TERT: variants seen among roughly 807,000 people sequenced by gnomAD.
The protein encoded by TERT is telomerase catalytic subunit.
In TERT, 42 loss-of-function variants were observed where a neutral mutation model predicts 104.0. The observed-to-expected ratio is 0.40, with a 90% CI of 0.32 to 0.52. The LOEUF is 0.52. Among genes scored for constraint, TERT ranks in the 20% least tolerant of loss-of-function variants. The probability of loss-of-function intolerance (pLI) is 0.43; values close to 1 mark genes in which losing one functional copy is unlikely to be tolerated. For synonymous variants in TERT, 781 were observed against 725.6 expected, an observed-to-expected ratio of 1.08 and a Z score of -1.23; for missense variants, 1,101 against 1,610.3, an observed-to-expected ratio of 0.68 and a Z score of 5.41.
intron 2 of TERT, among the ~76,000 whole-genome samples, chr5:1,290,151 A>T (rs62332590): frequency 5.7e-5 from 1 of 17,664 alleles, no homozygotes; most frequent in Non-Finnish European, 9.5e-5. Flanking sequence ...CACTCACCCT[A>T]CACGTGACAG....
At chr5:1,280,417 C>T (rs1047930712) in intron 3 of TERT, 79 bp from the exon 4 acceptor site, 6 of 1,491,522 alleles carry the variant, frequency 4.0e-6, no homozygotes, top group Non-Finnish European at 5.5e-6. Flanking sequence ...CCACAAGCCC[C>T]CACCGACTCA....
rs1400139919 is a variant in TERT at position 1,293,604 on chromosome 5, G to A, written c.1282C>T (p.Arg428Trp). ...GCCACAGAGCCCTGGGGCTTCTCCC[G>A]GGCACAGACACCGGCTGCTGGGGTG... ...AVTPAAGVCA[R>W]EKPQGSVAAP... Residue 428 changes from arginine (R) to tryptophan (W), a missense_variant, in exon 2 of 16, where the codon CGG becomes TGG. This residue lies in a region of TERT where 504 missense variants were observed against 544.6 expected (regional missense o/e 0.93). Coordinates refer to ENST00000310581, the MANE Select transcript of TERT (RefSeq NM_198253.3). 1.3e-6 allele frequency: 2 copies of A among 1,548,566 alleles called. No individual in the cohort carries two copies. Among genetic ancestry groups the A allele is most frequent in the East Asian group, 2.4e-5 (1 of 41,066 alleles).
chr5:1,270,523 T>C lies in TERT; in HGVS notation c.2468+596A>G, dbSNP rs1483775752. ...GGCACTGTGGCTCTACCACCGTGAG[T>C]GTGGCTCACCCAGTGGCTGTGTGAC... On this transcript the variant is annotated intron_variant, in intron 8 of 15. Coordinates refer to ENST00000310581, the MANE Select transcript of TERT (RefSeq NM_198253.3). This position sits in a 1 kb window ranked among gnomAD's most constrained non-coding sequence, Gnocchi z 8.3. Among the ~76,000 whole-genome samples, 1 of 151,200 alleles carries C rather than the reference T, an allele frequency of 6.6e-6. No homozygotes were observed. The highest frequency in any genetic ancestry group is 1.5e-5 in the Non-Finnish European group (1 of 67,786).
chr5:1,256,318 A>G lies in TERT; in HGVS notation c.3033-907T>C, dbSNP rs1014511070. Among the ~76,000 whole-genome samples the G allele has an allele frequency of 6.6e-6, 1 of 152,066 alleles. No individual in the cohort carries two copies. The highest frequency in any genetic ancestry group is 6.5e-5 in the Admixed American group (1 of 15,268). ...TGTGAGCCACCGCGCCAGCCCTGTC[A>G]GCCTCCATCTTTGGCCTCTCAGCTT... On this transcript the variant is annotated intron_variant, in intron 13 of 15. Coordinates refer to ENST00000310581, the MANE Select transcript of TERT (RefSeq NM_198253.3). The surrounding 1 kb of genome is among the most constrained non-coding windows in gnomAD (Gnocchi z 7.0).
At chr5:1,277,605 TG>T (rs35577391) in intron 6 of TERT, among the ~76,000 whole-genome samples, 46,452 of 122,558 alleles carry the variant, frequency 0.38, 8,763 homozygotes, top group East Asian at 0.54. Context: ...AGCGGGGATG[TG>T]GGGGGGGGTC....
chr5:1,271,942 C>T (rs1048586853), intron 7 of TERT, among the ~76,000 whole-genome samples: 4 of 152,250 alleles, frequency 2.6e-5, no homozygotes, highest in African/African-American at 7.2e-5. Flanking sequence ...AAAGGCACTG[C>T]GGAACTGGAG....
At position 1,293,562 on chromosome 5, in the gene TERT, C is replaced by T. The variant is rs780427764; in HGVS notation, c.1324G>A (p.Asp442Asn). 2 of 1,537,620 alleles carry T rather than the reference C, an allele frequency of 1.3e-6. No individual in the cohort carries two copies. Among genetic ancestry groups the T allele is most frequent in the African/African-American group, 1.4e-5 (1 of 72,896 alleles). Residue 442 changes from aspartate to asparagine, a missense_variant, in exon 2 of 16, where the codon GAC becomes AAC. By Grantham distance (23) the Asp-to-Asn change is conservative. Transcript: ENST00000310581. ...QGSVAAPEEE[D>N]TDPRRLVQLL... is the part of the protein sequence containing the mutation. ...TGCACCAGGCGACGGGGGTCTGTGT[C>T]CTCCTCCTCGGGGGCCGCCACAGAG... is the stretch of plus-strand genomic sequence containing the variant.
chr5:1,260,315 T>G (rs575065969), intron 12 of TERT, among the ~76,000 whole-genome samples, 159 bp downstream of exon 12: 28 of 152,348 alleles, frequency 1.8e-4, no homozygotes, highest in African/African-American at 6.5e-4. Context: ...TGTACACACA[T>G]GCACACATGT....
intron 9 of TERT, among the ~76,000 whole-genome samples, chr5:1,267,627 A>G (rs1219697657): frequency 6.6e-6 from 1 of 152,272 alleles, no homozygotes; most frequent in Non-Finnish European, 1.5e-5. Context: ...AATGTGGCAC[A>G]TATACACCAC....
rs372185671 is a variant in TERT, at chr5:1,294,031, C to T, written c.855G>A (p.Leu285=). Residue 285 remains leucine (L), a synonymous_variant, in exon 2 of 16, where the codon TTG becomes TTA. Coordinates refer to ENST00000310581, the MANE Select transcript of TERT (RefSeq NM_198253.3). ...PARPAEEATS[L]EGALSGTRHS... ...GGCGCGTGCCAGAGAGCGCACCCTC[C>T]AAAGAGGTGGCTTCTTCGGCGGGTC... 1.0e-5 allele frequency: 16 copies of T among 1,599,106 alleles called. No individual in the cohort carries two copies. In the African/African-American group the frequency reaches 2.0e-4, roughly 20 times the overall value.
intron 11 of TERT, 184 bp downstream of exon 11, chr5:1,264,220 C>A (rs1055517554): frequency 1.5e-6 from 1 of 645,258 alleles, no homozygotes; most frequent in Non-Finnish European, 2.7e-6. Context: ...TGTGAGCACC[C>A]TCACTCCCAC....
chr5:1,281,771 T>G (rs1200755684), intron 3 of TERT, among the ~76,000 whole-genome samples: 2 of 152,142 alleles, frequency 1.3e-5, no homozygotes, highest in Non-Finnish European at 1.5e-5. Context: ...AGATTGAAGA[T>G]TCATACAGAA....
At chr5:1,260,804 C>G (rs896310699) in intron 11 of TERT, among the ~76,000 whole-genome samples, 4 of 152,250 alleles carry the variant, frequency 2.6e-5, no homozygotes, top group African/African-American at 9.6e-5. Flanking sequence ...CCAAACTCCA[C>G]CAGGACCTGG....
chr5:1,264,352 C>A, intron 11 of TERT, 52 bp downstream of exon 11: 2 of 1,556,944 alleles, frequency 1.3e-6, no homozygotes, highest in South Asian at 1.2e-5. Context: ...GGCCCTGCAG[C>A]AGCACCTGCC....
At chr5:1,260,404 A>G (rs1748141190) in intron 12 of TERT, 70 bp downstream of exon 12, 3 of 1,594,590 alleles carry the variant, frequency 1.9e-6, no homozygotes, top group South Asian at 1.1e-5. Flanking sequence ...ACGCGCGCAC[A>G]CACACACACA....
rs1748823324 is a variant in TERT at position 1,268,915 on chromosome 5, A to G, written c.2469-282T>C. Among the ~76,000 whole-genome samples, 1 of 151,970 alleles carries G rather than the reference A, an allele frequency of 6.6e-6. No homozygotes were observed. Among genetic ancestry groups the G allele is most frequent in the South Asian group, 2.1e-4 (1 of 4,818 alleles). ...GTTTTCTTTCATTAAGGTTTCTTAAATCTTAGAGTTTATTCACAGAACCAG... is the reference window on the plus strand; with the variant it reads ...GTTTTCTTTCATTAAGGTTTCTTAAGTCTTAGAGTTTATTCACAGAACCAG... On this transcript the variant is annotated intron_variant, in intron 8 of 15. Transcript: ENST00000310581. The surrounding 1 kb of genome is among the most constrained non-coding windows in gnomAD (Gnocchi z 5.5).
rs1579544173 is a variant in TERT at position 1,255,536 on chromosome 5, G to A, written c.3033-125C>T. On this transcript the variant is annotated intron_variant, in intron 13 of 15. Coordinates refer to ENST00000310581, the MANE Select transcript of TERT (RefSeq NM_198253.3). The surrounding 1 kb of genome is among the most constrained non-coding windows in gnomAD (Gnocchi z 6.9). ...TGCACATGCATGGGTTTCCTCATGG[G>A]CACAGGTGCACACACACGGATGCAT... is the stretch of plus-strand genomic sequence containing the variant. The A allele has an allele frequency of 2.6e-6, 3 of 1,165,202 alleles. No homozygotes were observed. The African/African-American group carries it at 4.5e-5, about 18-fold the overall frequency. 72.2% of individuals were successfully genotyped at this position (1,165,202 alleles called of 1,614,324 possible). A position where few individuals can be genotyped will look rare whatever the true frequency, so the allele number is the denominator to read the frequency against.
chr5:1,258,558 T>G, intron 13 of TERT, 40 bp downstream of exon 13: 2 of 1,546,258 alleles, frequency 1.3e-6, no homozygotes, highest in Non-Finnish European at 1.8e-6. Flanking sequence ...GCGCGGAGGG[T>G]CCCTGGAGGC....
chr5:1,264,496 C>T lies in TERT; in HGVS notation c.2751G>A (p.Thr917=), dbSNP rs375200599. The change falls in exon 11 of 16, where the codon ACG becomes ACA. Residue 917 remains threonine, a synonymous_variant. Coordinates refer to ENST00000310581, the MANE Select transcript of TERT (RefSeq NM_198253.3). ...FPVEDEALGG[T]AFVQMPAHGL... is the part of the protein sequence containing the mutation. ...CGTGGGCCGGCATCTGAACAAAAGCCGTGCCACCCAGGGCCTCGTCTTCTA... is the reference window on the plus strand; with the variant it reads ...CGTGGGCCGGCATCTGAACAAAAGCTGTGCCACCCAGGGCCTCGTCTTCTA... The T allele has an allele frequency of 1.4e-4, 222 of 1,613,844 alleles. No homozygotes were observed. The highest frequency in any genetic ancestry group is 1.7e-4 in the Non-Finnish European group (204 of 1,180,042).
Sources: allele counts gnomAD v4.1 joint callset (sites outside exome capture counted in the v4.1 genomes callset), GRCh38; gene constraint gnomAD v4.1.1; regional missense constraint gnomAD v4.1.1; non-coding constraint Gnocchi (gnomAD v3.1); transcripts MANE v1.5; gene names NCBI Gene and HGNC (gene_info 2026-07-23, HGNC 2026-07-21).